Variants in PUM2 observed in about 807,000 individuals in gnomAD.
PUM2 encodes pumilio RNA binding family member 2, also known as pumilio homolog 2.
PUM2 carries 57 observed loss-of-function variants against 124.5 expected under a neutral mutation model. The observed-to-expected ratio is 0.46, with a 90% CI of 0.37 to 0.57. The LOEUF is 0.57. PUM2 is among the 20% of genes least tolerant of loss of function. The pLI is 0.00. For missense variants in PUM2, 1,065 were observed against 1,290.6 expected (o/e 0.83, Z 2.68); for synonymous variants, 460 against 446.1 (o/e 1.03, Z -0.39).
chr2:20,254,768 G>T, intron 19 of PUM2, 95 bp downstream of exon 19: 2 of 1,307,538 alleles, frequency 1.5e-6, no homozygotes, highest in Non-Finnish European at 2.1e-6. Flanking sequence ...AAAGACTACA[G>T]TTTAATGCTA....
At chr2:20,298,611 G>GT (rs1392137792) in intron 7 of PUM2, among the ~76,000 whole-genome samples, 1 of 152,150 alleles carries the variant, frequency 6.6e-6, no homozygotes, top group African/African-American at 2.4e-5. Flanking sequence ...GCTCATGCTT[G>GT]TAATCCCAGC....
Position 20,278,685 on chromosome 2 carries a change from G to C in PUM2, c.1855C>G (p.Pro619Ala), listed in dbSNP as rs1479006101. ...FYNSLGFSSS[P>A]SPIGMPLPSQ... ...GGCAGAGGCATGCCTATTGGACTTG[G>C]AGAGGAGGAAAATCCCAGACTATTG... The change falls in exon 13 of 21, where the codon CCA becomes GCA. Residue 619 changes from proline (P) to alanine (A), a missense_variant. This residue lies in a region of PUM2 where 968 missense variants were observed against 1,159.8 expected (regional missense o/e 0.83). Transcript: ENST00000361078. 3.1e-6 allele frequency: 5 copies of C among 1,613,550 alleles called. No individual in the cohort carries two copies.
chr2:20,321,313 C>T (rs981432582), intron 2 of PUM2, among the ~76,000 whole-genome samples: 5 of 151,988 alleles, frequency 3.3e-5, no homozygotes, highest in South Asian at 2.1e-4. Context: ...AAAGAAAAAA[C>T]GCAAATTGTT....
chr2:20,346,282 C>T (rs1688227791), intron 1 of PUM2, among the ~76,000 whole-genome samples: 2 of 151,972 alleles, frequency 1.3e-5, no homozygotes, highest in African/African-American at 2.4e-5. Flanking sequence ...CTAAAACTAC[C>T]GATAAGCTAC....
chr2:20,294,771 T>C (rs577400991), intron 8 of PUM2, among the ~76,000 whole-genome samples: 1 of 152,182 alleles, frequency 6.6e-6, no homozygotes, highest in Non-Finnish European at 1.5e-5. Flanking sequence ...TATTCAACAT[T>C]TAATGAATGC....
At chr2:20,334,586 T>C (rs1685590569) in intron 1 of PUM2, among the ~76,000 whole-genome samples, 1 of 152,238 alleles carries the variant, frequency 6.6e-6, no homozygotes. Flanking sequence ...AAAAACCATA[T>C]TTTATGAAAT....
At chr2:20,351,883 C>G (rs1309270528), upstream of PUM2, among the ~76,000 whole-genome samples, 1 of 152,220 alleles carries the variant, frequency 6.6e-6, no homozygotes, top group Non-Finnish European at 1.5e-5. Flanking sequence ...CTGTTGAATA[C>G]ACATGGGCTC....
chr2:20,283,589 T>C (rs1672060183), intron 10 of PUM2, 103 bp from the exon 11 acceptor site: 4 of 1,164,356 alleles, frequency 3.4e-6, no homozygotes, highest in Non-Finnish European at 3.6e-6. Context: ...CACAGCTATT[T>C]GTACCATTAC....
intron 13 of PUM2, among the ~76,000 whole-genome samples, chr2:20,264,165 T>C (rs1395706301): frequency 8.0e-5 from 12 of 149,580 alleles, no homozygotes; most frequent in African/African-American, 2.7e-4. Context: ...GGTGAAACCC[T>C]GTCTCTACTA....
rs555633051 is a variant in PUM2, at chr2:20,306,694, C to T, written c.883+1284G>A. On this transcript the variant is annotated intron_variant, in intron 7 of 20. Transcript: ENST00000361078. ...TGCAATCTTGCTTCACTGCAGCCTC[C>T]GTCTCCCAGGTTCAAGCGATTCTCT... Among the ~76,000 whole-genome samples the T allele has an allele frequency of 7.3e-5, 11 of 151,030 alleles. 3 individuals carry two copies. Among genetic ancestry groups the T allele is most frequent in the South Asian group, 4.2e-4 (2 of 4,748 alleles).
chr2:20,332,231 G>A (rs1177402495), intron 1 of PUM2, among the ~76,000 whole-genome samples: 2 of 151,644 alleles, frequency 1.3e-5, no homozygotes, highest in Non-Finnish European at 2.9e-5. Flanking sequence ...TGAGTATACT[G>A]AAAGTTAAGC....
intron 1 of PUM2, among the ~76,000 whole-genome samples, chr2:20,345,089 CTTTTTTT>C (rs768667526): frequency 3.9e-5 from 5 of 129,398 alleles, no homozygotes; most frequent in Non-Finnish European, 6.6e-5. Context: ...GCACTTTTTT[CTTTTTTT>C]TTTTTTTGCG....
intron 2 of PUM2, among the ~76,000 whole-genome samples, chr2:20,324,630 C>T (rs1178831209): frequency 2.0e-5 from 3 of 152,162 alleles, no homozygotes; most frequent in South Asian, 2.1e-4. Context: ...ATTAGTTTTG[C>T]TCTTTTTAAG....
At position 20,308,195 on chromosome 2, in the gene PUM2, A is replaced by C. The variant is rs987546395; in HGVS notation, c.789+119T>G. On this transcript the variant is annotated intron_variant, in intron 6 of 20. Coordinates refer to ENST00000361078, the MANE Select transcript of PUM2 (RefSeq NM_015317.5). ...GACTTTCTCAAATACAGGACACTTT[A>C]ATCAATAAAACATTTAGTACTCAAA... 4 of 1,466,842 alleles carry C rather than the reference A, an allele frequency of 2.7e-6. No individual in the cohort carries two copies. In the African/African-American group the frequency reaches 5.7e-5, roughly 21 times the overall value. The allele number at this position is 1,466,842 out of a possible 1,614,324, so 90.9% of individuals were successfully genotyped here.
At chr2:20,347,102 G>A (rs1401733831) in intron 1 of PUM2, among the ~76,000 whole-genome samples, 3 of 152,096 alleles carry the variant, frequency 2.0e-5, no homozygotes, top group African/African-American at 7.3e-5. Context: ...CAAGAGAACA[G>A]TGAGAGAGTA....
At chr2:20,334,396 G>T (rs905979921) in intron 1 of PUM2, among the ~76,000 whole-genome samples, 2 of 152,100 alleles carry the variant, frequency 1.3e-5, no homozygotes, top group Non-Finnish European at 1.5e-5. Flanking sequence ...TAAAAACAGG[G>T]TGGGGAAAGC....
At chr2:20,318,213 G>A (rs992249133) in intron 3 of PUM2, among the ~76,000 whole-genome samples, 1 of 151,910 alleles carries the variant, frequency 6.6e-6, no homozygotes, top group Non-Finnish European at 1.5e-5. Flanking sequence ...TTTAATAATA[G>A]CCACAGAATT....
intron 5 of PUM2, 36 bp downstream of exon 5, chr2:20,311,458 G>A: frequency 1.9e-6 from 3 of 1,563,758 alleles, no homozygotes; most frequent in Non-Finnish European, 2.6e-6. Context: ...TCCCTAAAAA[G>A]ATACGCTTTT....
upstream of PUM2, chr2:20,350,898 G>T (rs954899242): frequency 4.5e-5 from 27 of 599,004 alleles, no homozygotes; most frequent in Non-Finnish European, 5.7e-5. Flanking sequence ...GGGAGGGGGA[G>T]CGCTCACCAA....
Sources: gnomAD v4.1 joint callset for allele counts (sites outside exome capture counted in the v4.1 genomes callset) on GRCh38, gnomAD v4.1.1 for gene constraint, gnomAD v4.1.1 regional missense constraint, MANE v1.5 for transcripts, NCBI Gene and HGNC (gene_info 2026-07-23, HGNC 2026-07-21) for gene names.